The following KIAA1549L variants were observed in gnomAD, a reference collection of about 807,000 sequenced individuals.
KIAA1549L encodes the protein KIAA1549 like.
Under a neutral mutation model 160.7 loss-of-function variants are expected in KIAA1549L, and 88 were observed. The ratio of observed to expected loss-of-function variants is 0.55; its 90% CI spans 0.46 to 0.65. KIAA1549L has a LOEUF of 0.65. Among genes scored for constraint, KIAA1549L ranks in the 30% least tolerant of loss-of-function variants. KIAA1549L has a pLI of 0.00. For missense variants in KIAA1549L, 2,258 were observed against 2,437.5 expected, an observed-to-expected ratio of 0.93 and a Z score of 1.55; for synonymous variants, 950 against 976.7, an observed-to-expected ratio of 0.97 and a Z score of 0.51.
At chr11:33,460,894 T>G (rs1851927925) in intron 1 of KIAA1549L, among the ~76,000 whole-genome samples, 3 of 152,174 alleles carry the variant, frequency 2.0e-5, no homozygotes, top group Admixed American at 2.0e-4. Context: ...GTTTATAAGC[T>G]GAGCAAAACG....
chr11:33,447,865 G>A (rs1326178010), intron 1 of KIAA1549L, among the ~76,000 whole-genome samples: 1 of 152,140 alleles, frequency 6.6e-6, no homozygotes, highest in Non-Finnish European at 1.5e-5. Flanking sequence ...CAAGAGTGAA[G>A]TGAGGTGGTA....
At chr11:33,637,515 G>A (rs1283189183) in intron 16 of KIAA1549L, among the ~76,000 whole-genome samples, 1 of 152,224 alleles carries the variant, frequency 6.6e-6, no homozygotes, top group Non-Finnish European at 1.5e-5. Context: ...TAGGGCTTCA[G>A]CTACAAGGTC....
chr11:33,418,020 C>T (rs568191919), intron 1 of KIAA1549L, among the ~76,000 whole-genome samples: 7 of 152,314 alleles, frequency 4.6e-5, no homozygotes, highest in Non-Finnish European at 8.8e-5. Context: ...CTCAAGTGAT[C>T]CGTCCACCTC....
Position 33,658,819 on chromosome 11 carries a change from C to T in KIAA1549L, c.5928C>T (p.His1976=), listed in dbSNP as rs755385142. 37 of 1,566,748 alleles carry T rather than the reference C, an allele frequency of 2.4e-5. No homozygotes were observed. Among genetic ancestry groups the T allele is most frequent in the African/African-American group, 4.1e-5 (3 of 73,450 alleles). The change falls in exon 19 of 21, where the codon CAC becomes CAT. Residue 1976 remains histidine (H), a synonymous_variant. Transcript: ENST00000658780. The stretch of plus-strand genomic sequence containing the variant: ...CAGGGCCCGAGCCGGCCCAGCTGCA[C>T]GACAGCGCCTCCTTCACGCAGATGT... The part of the protein sequence containing the change: ...ESTGPEPAQL[H]DSASFTQMSR...
intron 14 of KIAA1549L, among the ~76,000 whole-genome samples, chr11:33,609,343 C>A (rs541542883): frequency 2.0e-5 from 3 of 152,228 alleles, no homozygotes; most frequent in Admixed American, 2.0e-4. Flanking sequence ...TGAAGGGCAG[C>A]GAAGGCCACT....
intron 1 of KIAA1549L, among the ~76,000 whole-genome samples, chr11:33,381,457 GTTGT>G (rs1158934488): frequency 6.6e-6 from 1 of 152,116 alleles, no homozygotes; most frequent in African/African-American, 2.4e-5. Flanking sequence ...TTGTGCTTGC[GTTGT>G]TTGAGGAAGA....
At chr11:33,403,744 C>A (rs1850588533) in intron 1 of KIAA1549L, 1 of 152,240 alleles carries the variant, frequency 6.6e-6, no homozygotes, top group African/African-American at 2.4e-5. Flanking sequence ...CCCTTTCTTT[C>A]TTTTTCTTCC....
In KIAA1549L at chr11:33,542,552, C is replaced by A. The variant is rs778899980; in HGVS notation, c.989C>A (p.Pro330Gln). 3.0e-5 allele frequency: 48 copies of A among 1,613,956 alleles called. No individual in the cohort carries two copies. The highest frequency in any genetic ancestry group is 8.8e-5 in the South Asian group (8 of 91,086). Reference protein sequence around the residue: ...SSTKWHSELSPTEGPHSAGSS... With the variant: ...SSTKWHSELSQTEGPHSAGSS... ...ACAAAATGGCATTCCGAGCTGTCCC[C>A]AACAGAGGGTCCCCATTCAGCAGGT... Residue 330 changes from proline to glutamine, a missense_variant, in exon 2 of 21, where the codon CCA (proline) becomes CAA (glutamine). Transcript: ENST00000658780.
intron 1 of KIAA1549L, among the ~76,000 whole-genome samples, chr11:33,518,617 CTT>C (rs1853411659): frequency 6.6e-6 from 1 of 152,130 alleles, no homozygotes; most frequent in Non-Finnish European, 1.5e-5. Flanking sequence ...CATACTGTGA[CTT>C]TTTAATTCAT....
At chr11:33,501,245 T>G (rs2133087215) in intron 1 of KIAA1549L, among the ~76,000 whole-genome samples, 1 of 152,326 alleles carries the variant, frequency 6.6e-6, no homozygotes, top group South Asian at 2.1e-4. Context: ...ACAGACATCC[T>G]TTGTCATTCA....
At chr11:33,587,904 C>T (rs897366651) in intron 11 of KIAA1549L, among the ~76,000 whole-genome samples, 18 of 152,060 alleles carry the variant, frequency 1.2e-4, no homozygotes, top group African/African-American at 4.1e-4. Context: ...AGGCCATGTA[C>T]GGCAGGAGAT....
At chr11:33,377,747 T>G (rs1024794263) in intron 1 of KIAA1549L, among the ~76,000 whole-genome samples, 1 of 152,256 alleles carries the variant, frequency 6.6e-6, no homozygotes, top group African/African-American at 2.4e-5. Flanking sequence ...CCTGTAGTTT[T>G]GCATTTTTTA....
chr11:33,418,867 A>G (rs146637067), intron 1 of KIAA1549L, among the ~76,000 whole-genome samples: 6 of 147,336 alleles, frequency 4.1e-5, no homozygotes, highest in Non-Finnish European at 7.4e-5. Context: ...CCTTTATGTC[A>G]GTATGTTGCA....
At chr11:33,594,855 C>T (rs1271795891) in intron 12 of KIAA1549L, among the ~76,000 whole-genome samples, 2 of 152,196 alleles carry the variant, frequency 1.3e-5, no homozygotes, top group East Asian at 1.9e-4. Flanking sequence ...CCTGAATTGA[C>T]TTGCAAGTAG....
rs1322642555 is a variant in KIAA1549L, at chr11:33,405,767, A to G, written c.238+28878A>G. ...TGATGCAGGAGAATCGCTTGAACCC[A>G]GGAGGTGGAGGTTGCAGTGAGCTGA... On this transcript the variant is annotated intron_variant, in intron 1 of 20. Transcript: ENST00000658780. 2.2e-5 allele frequency among the ~76,000 whole-genome samples: 3 copies of G among 137,584 alleles called. No individual in the cohort carries two copies. The East Asian group carries it at 7.1e-4, about 33-fold the overall frequency. 90.3% of individuals were successfully genotyped at this position (137,584 alleles called of 152,430 possible).
At chr11:33,382,483 C>T (rs1850091504) in intron 1 of KIAA1549L, among the ~76,000 whole-genome samples, 2 of 152,028 alleles carry the variant, frequency 1.3e-5, no homozygotes, top group Admixed American at 1.3e-4. Flanking sequence ...TAAGACAATT[C>T]TTATGAAGTT....
At position 33,376,143 on chromosome 11, in the gene KIAA1549L, C is replaced by G. The variant is rs1849946552; in HGVS notation, c.-509C>G. Among the ~76,000 whole-genome samples, 1 of 149,794 alleles carries G rather than the reference C, an allele frequency of 6.7e-6. No homozygotes were observed. Among genetic ancestry groups the G allele is most frequent in the Admixed American group, 6.6e-5 (1 of 15,078 alleles). The stretch of plus-strand genomic sequence containing the variant: ...CGCCGCTCTGAGCTGCGGTAGCACT[C>G]GCGGCCCGGGAACCCGAGCCGGAGC... On this transcript the variant is annotated 5_prime_UTR_variant, in exon 1 of 21. Transcript: ENST00000658780. This position sits in a 1 kb window ranked among gnomAD's most constrained non-coding sequence, Gnocchi z 5.8.
chr11:33,524,379 C>T (rs1381934876), intron 1 of KIAA1549L, among the ~76,000 whole-genome samples: 1 of 151,748 alleles, frequency 6.6e-6, no homozygotes, highest in Non-Finnish European at 1.5e-5. Flanking sequence ...ACCTATTTTA[C>T]TCTTTTAATT....
intron 1 of KIAA1549L, among the ~76,000 whole-genome samples, chr11:33,413,545 T>A (rs1378538052): frequency 6.6e-6 from 1 of 152,104 alleles, no homozygotes; most frequent in Non-Finnish European, 1.5e-5. Flanking sequence ...GTGTCCCCCT[T>A]AACAATCCTA....
Sources: allele counts gnomAD v4.1 joint callset (sites outside exome capture counted in the v4.1 genomes callset), GRCh38; gene constraint gnomAD v4.1.1; non-coding constraint Gnocchi (gnomAD v3.1); transcripts MANE v1.5; gene names NCBI Gene and HGNC (gene_info 2026-07-23, HGNC 2026-07-21).